Variants in STIMATE observed in about 807,000 individuals in gnomAD.
The protein encoded by STIMATE is store-operated calcium entry regulator STIMATE.
In STIMATE, 15 loss-of-function variants were observed where a neutral mutation model predicts 36.7. The observed-to-expected ratio is 0.41, with a 90% CI of 0.27 to 0.63. STIMATE has a LOEUF of 0.63. STIMATE is among the 20% of genes least tolerant of loss of function. The probability of loss-of-function intolerance (pLI) is 0.32; values close to 1 mark genes in which losing one functional copy is unlikely to be tolerated. For synonymous variants in STIMATE, 163 were observed against 162.3 expected, an observed-to-expected ratio of 1.00 and a Z score of -0.03; for missense variants, 305 against 397.3, an observed-to-expected ratio of 0.77 and a Z score of 1.98.
chr3:52,897,423 G>C lies in STIMATE; in HGVS notation c.28C>G (p.Arg10Gly), dbSNP rs1188092271. The change falls in exon 1 of 8, where the codon CGG (arginine) becomes GGG (glycine). Residue 10 changes from arginine to glycine, a missense_variant. Physicochemically the swap from Arg to Gly is moderately radical, Grantham distance 125. Around this residue, in one of 3 missense-constraint regions of STIMATE, gnomAD observed 57 missense variants for 57.1 expected, o/e 1.00. Transcript: ENST00000355083. Reference protein sequence around the residue: MQGPAGNASRGLPGGPPSTV... With the variant: MQGPAGNASGGLPGGPPSTV... ...GAGGGCGGCCCGCCTGGCAGTCCCC[G>C]GCTCGCGTTCCCGGCGGGGCCCTGC... 2.8e-6 allele frequency: 4 copies of C among 1,449,884 alleles called. No homozygotes were observed. Among genetic ancestry groups the C allele is most frequent in the South Asian group, 2.7e-5 (2 of 72,898 alleles). The allele number at this position is 1,449,884 out of a possible 1,614,324, so 89.8% of individuals were successfully genotyped here. A position where few individuals can be genotyped will look rare whatever the true frequency, so the allele number is the denominator to read the frequency against.
chr3:52,862,567 CAA>C (rs1376993972), intron 1 of STIMATE, among the ~76,000 whole-genome samples: 3 of 152,142 alleles, frequency 2.0e-5, no homozygotes, highest in African/African-American at 7.2e-5. Flanking sequence ...ATATAAAATT[CAA>C]AGAGTATATT....
At chr3:52,865,028 C>T (rs111989447) in intron 1 of STIMATE, among the ~76,000 whole-genome samples, 1 of 151,764 alleles carries the variant, frequency 6.6e-6, no homozygotes, top group Non-Finnish European at 1.5e-5. Flanking sequence ...CTCACTGCAA[C>T]CTCTGCCTCC....
At chr3:52,882,748 C>T (rs905745994) in intron 1 of STIMATE, among the ~76,000 whole-genome samples, 2 of 152,094 alleles carry the variant, frequency 1.3e-5, no homozygotes, top group Non-Finnish European at 2.9e-5. Flanking sequence ...AAGGGGTATC[C>T]TATCGGTGCA....
intron 1 of STIMATE, among the ~76,000 whole-genome samples, chr3:52,874,225 T>C (rs1050392908): frequency 5.9e-5 from 9 of 152,238 alleles, no homozygotes; most frequent in African/African-American, 2.2e-4. Context: ...CTGTGAAGTA[T>C]ACTTACAATG....
chr3:52,861,739 T>A (rs570977360), intron 1 of STIMATE, among the ~76,000 whole-genome samples: 1 of 152,284 alleles, frequency 6.6e-6, no homozygotes, highest in Admixed American at 6.5e-5. Context: ...GCCATCCCTG[T>A]CCTGGTTTCT....
At chr3:52,855,468 T>C (rs1427399639) in intron 1 of STIMATE, 24 bp from the exon 2 acceptor site, 2 of 1,614,082 alleles carry the variant, frequency 1.2e-6, no homozygotes, top group South Asian at 1.1e-5. Flanking sequence ...CAGACATCAG[T>C]AGTTTTCCAA....
intron 1 of STIMATE, among the ~76,000 whole-genome samples, chr3:52,891,878 G>A (rs1370973623): frequency 6.6e-6 from 1 of 152,178 alleles, no homozygotes; most frequent in Non-Finnish European, 1.5e-5. Flanking sequence ...CCTAACATGT[G>A]CCTGACACCA....
At chr3:52,857,321 T>C (rs1575332258) in intron 1 of STIMATE, among the ~76,000 whole-genome samples, 3 of 152,166 alleles carry the variant, frequency 2.0e-5, no homozygotes, top group East Asian at 3.8e-4. Context: ...CCAGAGAATA[T>C]GGAGTTGAGG....
intron 1 of STIMATE, among the ~76,000 whole-genome samples, chr3:52,868,181 G>A (rs569550445): frequency 2.9e-4 from 44 of 152,204 alleles, no homozygotes; most frequent in Non-Finnish European, 4.6e-4. Flanking sequence ...AGACGCCCAG[G>A]GAAAAAGTCC....
chr3:52,881,173 C>T (rs1473253810), intron 1 of STIMATE, among the ~76,000 whole-genome samples: 2 of 148,808 alleles, frequency 1.3e-5, no homozygotes, highest in African/African-American at 2.5e-5. Flanking sequence ...CACCGTACTC[C>T]AGCCTGGGCA....
rs117378378 is a variant in STIMATE, at chr3:52,893,895, C to T, written c.160+3396G>A. ...TTGAGTTTGCTTTGCATTCACATGTCCTGAGAGCAAACACCCCCAAATGCC... is the reference window on the plus strand; with the variant it reads ...TTGAGTTTGCTTTGCATTCACATGTTCTGAGAGCAAACACCCCCAAATGCC... On this transcript the variant is annotated intron_variant, in intron 1 of 7. Transcript: ENST00000355083. Among the ~76,000 whole-genome samples the T allele has an allele frequency of 6.4e-4, 97 of 152,276 alleles. No individual in the cohort carries two copies. In the East Asian group the frequency reaches 9.8e-3, roughly 15 times the overall value.
At chr3:52,871,370 C>G (rs948367378) in intron 1 of STIMATE, among the ~76,000 whole-genome samples, 1 of 152,118 alleles carries the variant, frequency 6.6e-6, no homozygotes, top group Non-Finnish European at 1.5e-5. Context: ...GGACTGCTCA[C>G]GACAGTCAGC....
At chr3:52,893,154 C>A (rs1701808467) in intron 1 of STIMATE, among the ~76,000 whole-genome samples, 1 of 151,980 alleles carries the variant, frequency 6.6e-6, no homozygotes, top group African/African-American at 2.4e-5. Context: ...TGGATCTTAG[C>A]TTTTAAAAAC....
intron 1 of STIMATE, among the ~76,000 whole-genome samples, chr3:52,859,604 G>A (rs1483212929): frequency 1.5e-5 from 2 of 136,174 alleles, no homozygotes; most frequent in Non-Finnish European, 3.1e-5. Context: ...GGAGACTGAG[G>A]CGGGAAGGGA....
In STIMATE at chr3:52,849,928, C is replaced by T. The variant is rs1353634541; in HGVS notation, c.306-15G>A. On this transcript the variant is annotated splice_polypyrimidine_tract_variant and intron_variant, in intron 3 of 7. Transcript: ENST00000355083. Reference sequence around the variant, plus strand: ...TGATGAGGTACCTGTGAGGACAGGGCACATGCATGGTCACGGCAGAAGCCA... The same window carrying T: ...TGATGAGGTACCTGTGAGGACAGGGTACATGCATGGTCACGGCAGAAGCCA... The T allele has an allele frequency of 6.2e-7, 1 of 1,610,620 alleles. No homozygotes were observed. Among genetic ancestry groups the T allele is most frequent in the African/African-American group, 1.3e-5 (1 of 74,878 alleles).
In STIMATE at chr3:52,882,344, C is replaced by A. The variant is rs1046063109; in HGVS notation, c.160+14947G>T. On this transcript the variant is annotated intron_variant, in intron 1 of 7. Coordinates refer to ENST00000355083, the MANE Select transcript of STIMATE (RefSeq NM_198563.5). ...CATGTGGCTTCACTTCTAGCACATTCTACTGGTCTCGTAAACTAACCTTGA... is the reference window on the plus strand; with the variant it reads ...CATGTGGCTTCACTTCTAGCACATTATACTGGTCTCGTAAACTAACCTTGA... Among the ~76,000 whole-genome samples the A allele has an allele frequency of 7.9e-5, 12 of 152,200 alleles. No individual in the cohort carries two copies. In the South Asian group the frequency reaches 2.5e-3, roughly 31 times the overall value.
chr3:52,885,894 T>C (rs961553005), intron 1 of STIMATE, among the ~76,000 whole-genome samples: 1 of 152,244 alleles, frequency 6.6e-6, no homozygotes, highest in Non-Finnish European at 1.5e-5. Flanking sequence ...ATGCCTGCTG[T>C]CTGATATTTG....
chr3:52,844,473 T>C (rs1367676654), intron 5 of STIMATE, among the ~76,000 whole-genome samples: 1 of 152,232 alleles, frequency 6.6e-6, no homozygotes, highest in Non-Finnish European at 1.5e-5. Flanking sequence ...TGGCACCACA[T>C]GGCTCAGTTA....
intron 7 of STIMATE, among the ~76,000 whole-genome samples, 153 bp from the exon 8 acceptor site, chr3:52,840,763 G>A (rs7638431): frequency 0.89 from 133,833 of 150,022 alleles, 61,495 homozygotes; most frequent in Non-Finnish European, 1. Context: ...GCAATGGCAC[G>A]ATCTCGCCTC....
Sources: allele counts gnomAD v4.1 joint callset (sites outside exome capture counted in the v4.1 genomes callset), GRCh38; gene constraint gnomAD v4.1.1; regional missense constraint gnomAD v4.1.1; transcripts MANE v1.5; gene names NCBI Gene and HGNC (gene_info 2026-07-23, HGNC 2026-07-21).